SYN3: variants seen among roughly 807,000 people sequenced by gnomAD.
SYN3 encodes the protein synapsin III.
Under a neutral mutation model 65.8 loss-of-function variants are expected in SYN3, and 35 were observed. The ratio of observed to expected loss-of-function variants is 0.53; its 90% CI spans 0.41 to 0.70. The LOEUF is 0.70. Ranked by LOEUF, SYN3 falls within the 30% of genes least tolerant of loss-of-function variation. The probability of loss-of-function intolerance (pLI) is 0.00; values close to 1 mark genes in which losing one functional copy is unlikely to be tolerated. For synonymous variants in SYN3, 270 were observed against 292.9 expected (o/e 0.92, Z 0.80); for missense variants, 680 against 749.0 (o/e 0.91, Z 1.08).
At chr22:33,045,838 A>AC (rs1278127641) in intron 1 of SYN3, among the ~76,000 whole-genome samples, 1 of 151,922 alleles carries the variant, frequency 6.6e-6, no homozygotes, top group African/African-American at 2.4e-5. Flanking sequence ...TACCACAATG[A>AC]CCCACTCACT....
intron 7 of SYN3, among the ~76,000 whole-genome samples, chr22:32,588,384 C>A (rs998101886): frequency 6.6e-6 from 1 of 152,140 alleles, no homozygotes; most frequent in Non-Finnish European, 1.5e-5. Context: ...GTGACTGCAG[C>A]CTCTCCTGGG....
chr22:32,601,793 G>T (rs1341705820), intron 6 of SYN3, among the ~76,000 whole-genome samples: 1 of 152,190 alleles, frequency 6.6e-6, no homozygotes, highest in Non-Finnish European at 1.5e-5. Flanking sequence ...CCTGCCAGCT[G>T]TGGGCAGGAT....
At chr22:32,775,856 T>C (rs2045895486) in intron 6 of SYN3, among the ~76,000 whole-genome samples, 1 of 152,186 alleles carries the variant, frequency 6.6e-6, no homozygotes, top group Non-Finnish European at 1.5e-5. Context: ...CCAAAAGATA[T>C]TCATGCCTAA....
intron 3 of SYN3, among the ~76,000 whole-genome samples, chr22:32,951,855 A>G (rs1569351995): frequency 6.6e-6 from 1 of 152,124 alleles, no homozygotes; most frequent in Non-Finnish European, 1.5e-5. Flanking sequence ...TCTTGTGCAC[A>G]CCAGTTTGCA....
At chr22:32,829,352 C>T (rs1016793850) in intron 6 of SYN3, among the ~76,000 whole-genome samples, 3 of 152,240 alleles carry the variant, frequency 2.0e-5, no homozygotes, top group Non-Finnish European at 2.9e-5. Flanking sequence ...AAACAGTGGA[C>T]GGAGCAAGGC....
At chr22:32,877,752 C>G (rs553851800) in intron 4 of SYN3, among the ~76,000 whole-genome samples, 1 of 152,184 alleles carries the variant, frequency 6.6e-6, no homozygotes, top group Admixed American at 6.5e-5. Context: ...CCTTGCTTCC[C>G]AACTCCCAGC....
chr22:32,751,487 G>C (rs926598074), intron 6 of SYN3, among the ~76,000 whole-genome samples: 1 of 152,172 alleles, frequency 6.6e-6, no homozygotes, highest in African/African-American at 2.4e-5. Context: ...GGAGAGATCG[G>C]GGGACAGCTC....
At chr22:32,776,296 TTTTAAGTCAC>T (rs1003423022) in intron 6 of SYN3, among the ~76,000 whole-genome samples, 1 of 152,138 alleles carries the variant, frequency 6.6e-6, no homozygotes, top group African/African-American at 2.4e-5. Context: ...ATTTCTGTCA[TTTTAAGTCAC>T]TTGGTGAATG....
intron 6 of SYN3, among the ~76,000 whole-genome samples, chr22:32,682,419 A>C (rs1206071449): frequency 6.6e-6 from 1 of 152,152 alleles, no homozygotes; most frequent in African/African-American, 2.4e-5. Flanking sequence ...ATAGACTATA[A>C]GGATAAGGGC....
chr22:32,773,313 A>G (rs2045821778), intron 6 of SYN3, among the ~76,000 whole-genome samples: 1 of 149,688 alleles, frequency 6.7e-6, no homozygotes. Context: ...AGGCTGAGGC[A>G]GGAGAATTGC....
chr22:32,991,714 C>T (rs1042739628), intron 2 of SYN3, among the ~76,000 whole-genome samples: 2 of 152,166 alleles, frequency 1.3e-5, no homozygotes, highest in African/African-American at 4.8e-5. Flanking sequence ...CACAGACAAC[C>T]CCTAATTTCG....
chr22:32,676,528 C>CTTTTTTTT (rs879196572), intron 6 of SYN3, among the ~76,000 whole-genome samples: 43 of 88,920 alleles, frequency 4.8e-4, no homozygotes, highest in Non-Finnish European at 6.4e-4. Context: ...TCTTTTCTTT[C>CTTTTTTTT]TTTTTTTTTT....
chr22:32,778,513 C>A (rs1411622569), intron 6 of SYN3, among the ~76,000 whole-genome samples: 1 of 151,976 alleles, frequency 6.6e-6, no homozygotes, highest in African/African-American at 2.4e-5. Flanking sequence ...AGGCTGGTCT[C>A]GAACTCCTGA....
chr22:32,962,129 CTTTTTTTTT>C (rs58025844), intron 3 of SYN3, among the ~76,000 whole-genome samples: 102 of 107,198 alleles, frequency 9.5e-4, no homozygotes, highest in African/African-American at 3.4e-3. Flanking sequence ...TTTAGAATCT[CTTTTTTTTT>C]TTTTTTTTTT....
intron 6 of SYN3, among the ~76,000 whole-genome samples, chr22:32,689,238 T>C (rs1235978669): frequency 6.6e-6 from 1 of 152,118 alleles, no homozygotes; most frequent in Non-Finnish European, 1.5e-5. Context: ...TCGCTGCATG[T>C]CAGAATGAGT....
intron 6 of SYN3, among the ~76,000 whole-genome samples, chr22:32,673,151 G>A (rs2060394754): frequency 6.6e-6 from 1 of 152,204 alleles, no homozygotes. Flanking sequence ...GATGAAGTAG[G>A]TTTCTTGGGA....
rs574881120 is a variant in SYN3, at chr22:32,926,285, T to C, written c.461+5105A>G. Reference sequence around the variant, plus strand: ...CCTAAACAATAGCATTTTAGGCTTTTTATAGTACTTGTGTGCAAAATGAGG... The same window carrying C: ...CCTAAACAATAGCATTTTAGGCTTTCTATAGTACTTGTGTGCAAAATGAGG... On this transcript the variant is annotated intron_variant, in intron 4 of 13. Transcript: ENST00000358763. Among the ~76,000 whole-genome samples the C allele has an allele frequency of 2.0e-5, 3 of 152,342 alleles. No homozygotes were observed. The South Asian group carries it at 6.2e-4, about 32-fold the overall frequency.
intron 4 of SYN3, among the ~76,000 whole-genome samples, chr22:32,878,750 A>T (rs4821107): frequency 4.6e-5 from 7 of 151,986 alleles, no homozygotes; most frequent in African/African-American, 1.7e-4. Flanking sequence ...AATAGTATGA[A>T]GTATATTTCA....
chr22:32,920,121 CCTT>C (rs2050298161), intron 4 of SYN3, among the ~76,000 whole-genome samples: 1 of 152,178 alleles, frequency 6.6e-6, no homozygotes, highest in Admixed American at 6.5e-5. Context: ...TGAGGTCTGA[CCTT>C]CTAATGAGCG....
Sources: gnomAD v4.1 joint callset for allele counts (sites outside exome capture counted in the v4.1 genomes callset) on GRCh38, gnomAD v4.1.1 for gene constraint, MANE v1.5 for transcripts, NCBI Gene and HGNC (gene_info 2026-07-23, HGNC 2026-07-21) for gene names.